LAMA3: variants seen among roughly 807,000 people sequenced by gnomAD.
LAMA3 encodes laminin subunit alpha-3.
Under a neutral mutation model 402.0 loss-of-function variants are expected in LAMA3, and 281 were observed. The observed-to-expected ratio is 0.70, with a 90% CI of 0.63 to 0.77. The LOEUF is 0.77. LAMA3 is among the 30% of genes least tolerant of loss of function. The probability of loss-of-function intolerance (pLI) is 0.00; values close to 1 mark genes in which losing one functional copy is unlikely to be tolerated. For synonymous variants in LAMA3, 1,431 were observed against 1,558.4 expected (o/e 0.92, Z 1.93); for missense variants, 3,840 against 4,215.5 (o/e 0.91, Z 2.47).
intron 64 of LAMA3, among the ~76,000 whole-genome samples, chr18:23,929,000 C>T (rs530135459): frequency 1.3e-5 from 2 of 152,266 alleles, no homozygotes; most frequent in South Asian, 4.1e-4. Flanking sequence ...TGTGTGTACT[C>T]GCGGACTCAT....
At chr18:23,817,165 G>A (rs937244717) in intron 18 of LAMA3, among the ~76,000 whole-genome samples, 10 of 152,152 alleles carry the variant, frequency 6.6e-5, no homozygotes, top group Non-Finnish European at 1.0e-4. Flanking sequence ...CTATAGGAGC[G>A]AGGGAATGAG....
chr18:23,803,246 A>C (rs2038052099), intron 12 of LAMA3, among the ~76,000 whole-genome samples: 4 of 152,212 alleles, frequency 2.6e-5, no homozygotes. Flanking sequence ...ACCTGCCACC[A>C]GGTAGCCAGC....
intron 38 of LAMA3, among the ~76,000 whole-genome samples, chr18:23,874,177 G>A (rs1216052797): frequency 6.6e-6 from 1 of 152,166 alleles, no homozygotes; most frequent in Non-Finnish European, 1.5e-5. Context: ...CAGGCATGTT[G>A]TCATAAACTA....
At chr18:23,750,705 A>T (rs2061734678) in intron 4 of LAMA3, among the ~76,000 whole-genome samples, 1 of 152,062 alleles carries the variant, frequency 6.6e-6, no homozygotes, top group Non-Finnish European at 1.5e-5. Context: ...GATTTCAAAG[A>T]CGTATTGCCA....
At position 23,908,064 on chromosome 18, in the gene LAMA3, A is replaced by T. The variant is rs1599063175; in HGVS notation, c.7015+129A>T. 9.4e-6 allele frequency: 8 copies of T among 849,770 alleles called. No individual in the cohort carries two copies. The East Asian group carries it at 1.5e-4, about 16-fold the overall frequency. The allele number at this position is 849,770 out of a possible 1,614,324, so 52.6% of individuals were successfully genotyped here. Reference sequence around the variant, plus strand: ...AAACATTAGAAAACAGCTCCACCTGATACAGGATATATTCAAAGCGTATAG... The same window carrying T: ...AAACATTAGAAAACAGCTCCACCTGTTACAGGATATATTCAAAGCGTATAG... On this transcript the variant is annotated intron_variant, in intron 54 of 74. Coordinates refer to ENST00000313654, the MANE Select transcript of LAMA3 (RefSeq NM_198129.4).
At chr18:23,779,846 C>T (rs1023001991) in intron 11 of LAMA3, among the ~76,000 whole-genome samples, 1 of 152,160 alleles carries the variant, frequency 6.6e-6, no homozygotes, top group African/African-American at 2.4e-5. Context: ...CAGTTACCTT[C>T]CTGACGTCAT....
chr18:23,802,436 T>G (rs1235820498), intron 12 of LAMA3, among the ~76,000 whole-genome samples: 1 of 152,240 alleles, frequency 6.6e-6, no homozygotes, highest in Admixed American at 6.5e-5. Flanking sequence ...CCATTGACTT[T>G]AATCACAAGA....
intron 52 of LAMA3, among the ~76,000 whole-genome samples, chr18:23,906,751 A>T (rs963510625): frequency 1.3e-5 from 2 of 152,240 alleles, no homozygotes; most frequent in African/African-American, 4.8e-5. Context: ...AATAATTTGG[A>T]TTTCCTGGTA....
chr18:23,771,458 T>C lies in LAMA3; in HGVS notation c.1183-2039T>C, dbSNP rs943180910. Among the ~76,000 whole-genome samples the C allele has an allele frequency of 2.0e-5, 3 of 152,318 alleles. No individual in the cohort carries two copies. In the South Asian group the frequency reaches 6.2e-4, roughly 32 times the overall value. ...AAAGAGGAACTTTGGGGTAATGATA[T>C]TGCTCTATATCTAGATAAGGAATTG... On this transcript the variant is annotated intron_variant, in intron 8 of 74. Transcript: ENST00000313654.
chr18:23,766,564 G>A lies in LAMA3; in HGVS notation c.1182+3041G>A, dbSNP rs183353181. 1.4e-3 allele frequency among the ~76,000 whole-genome samples: 216 copies of A among 152,236 alleles called. 1 individual carries two copies. The highest frequency in any genetic ancestry group is 4.5e-3 in the African/African-American group (189 of 41,556). On this transcript the variant is annotated intron_variant, in intron 8 of 74. Coordinates refer to ENST00000313654, the MANE Select transcript of LAMA3 (RefSeq NM_198129.4). ...TTTAAAAACAAATTCTTGGCTGGGC[G>A]TGGTGGCTCATGCCTGTAATCCCAG... is the stretch of plus-strand genomic sequence containing the variant.
intron 66 of LAMA3, among the ~76,000 whole-genome samples, chr18:23,933,428 T>G (rs1370928904): frequency 2.0e-5 from 3 of 152,214 alleles, no homozygotes; most frequent in African/African-American, 7.2e-5. Flanking sequence ...TTAATACACA[T>G]TTATGGGTTA....
In LAMA3 at chr18:23,916,695, G is replaced by A. The variant is rs747608483; in HGVS notation, c.7923G>A (p.Gly2641=). Residue 2641 remains glycine (G), a splice_region_variant and synonymous_variant, in exon 60 of 75, where the codon GGG becomes GGA. Transcript: ENST00000313654. ...DRGLLFFAEN[G]DRFISLNIED... is the part of the protein sequence containing the mutation. ...GCTTGCTGTTCTTTGCAGAAAACGG[G>A]GTAATCTATAACAAGCATCCAGATA... 2.5e-6 allele frequency: 4 copies of A among 1,613,654 alleles called. No homozygotes were observed. The highest frequency in any genetic ancestry group is 2.7e-5 in the African/African-American group (2 of 74,778).
intron 61 of LAMA3, 55 bp downstream of exon 61, chr18:23,921,109 A>G (rs970833961): frequency 1.3e-6 from 2 of 1,581,980 alleles, no homozygotes; most frequent in Non-Finnish European, 1.7e-6. Flanking sequence ...GTCCTTTAAA[A>G]TTAAGTCAGT....
chr18:23,795,935 G>A (rs909544871), intron 12 of LAMA3: 17 of 241,996 alleles, frequency 7.0e-5, no homozygotes, highest in African/African-American at 3.9e-4. Context: ...TCATAAGGGT[G>A]GAGCCCTGAT....
chr18:23,778,438 G>A (rs978358279), intron 11 of LAMA3, among the ~76,000 whole-genome samples: 3 of 152,296 alleles, frequency 2.0e-5, no homozygotes, highest in Admixed American at 1.3e-4. Flanking sequence ...GAGAGGCAGA[G>A]TTGTATTCTG....
Position 23,840,330 on chromosome 18 carries a change from G to A in LAMA3, c.3336+401G>A, listed in dbSNP as rs547682447. Among the ~76,000 whole-genome samples, 5 of 149,194 alleles carry A rather than the reference G, an allele frequency of 3.4e-5. No individual in the cohort carries two copies. The South Asian group carries it at 6.4e-4, about 19-fold the overall frequency. On this transcript the variant is annotated intron_variant, in intron 27 of 74. Coordinates refer to ENST00000313654, the MANE Select transcript of LAMA3 (RefSeq NM_198129.4). ...AGTTGTTTATTAGTTTTCTTCCCAA[G>A]TTGGATCATAAGACTTTTAGAATAG... is the stretch of plus-strand genomic sequence containing the variant.
rs189881926 is a variant in LAMA3 at position 23,857,406 on chromosome 18, G to A, written c.4137-438G>A. Among the ~76,000 whole-genome samples the A allele has an allele frequency of 1.6e-3, 247 of 152,298 alleles. 2 individuals carry two copies. The highest frequency in any genetic ancestry group is 0.01 in the Middle Eastern group (3 of 294). On this transcript the variant is annotated intron_variant, in intron 32 of 74. Transcript: ENST00000313654. ...GCTCTGTTCCTTCTGTCTGGAATGC[G>A]CATCCCAACTTCTACCCTATGACTC...
chr18:23,815,589 G>C lies in LAMA3; in HGVS notation c.2047+16G>C, dbSNP rs769836387. 1.3e-6 allele frequency: 2 copies of C among 1,530,504 alleles called. No individual in the cohort carries two copies. Among genetic ancestry groups the C allele is most frequent in the Non-Finnish European group, 1.8e-6 (2 of 1,103,866 alleles). The allele number at this position is 1,530,504 out of a possible 1,614,324, so 94.8% of individuals were successfully genotyped here. On this transcript the variant is annotated intron_variant, in intron 17 of 74. Coordinates refer to ENST00000313654, the MANE Select transcript of LAMA3 (RefSeq NM_198129.4). The stretch of plus-strand genomic sequence containing the variant: ...GGGTGTCAAGGTAAATAAGTCCATT[G>C]GGCCCTGAGCAAAGCACAGTGTTGA...
intron 56 of LAMA3, 88 bp from the exon 57 acceptor site, chr18:23,914,322 A>T: frequency 7.3e-7 from 1 of 1,376,384 alleles, no homozygotes; most frequent in Non-Finnish European, 1.0e-6. Flanking sequence ...AAAACCCATT[A>T]GTTATTTGAA....
Sources: allele counts gnomAD v4.1 joint callset (sites outside exome capture counted in the v4.1 genomes callset), GRCh38; gene constraint gnomAD v4.1.1; transcripts MANE v1.5; gene names NCBI Gene and HGNC (gene_info 2026-07-23, HGNC 2026-07-21).